DEGS1: variants seen among roughly 807,000 people sequenced by gnomAD.
The protein encoded by DEGS1 is sphingolipid delta(4)-desaturase DES1.
A neutral mutation model predicts 24.1 loss-of-function variants in DEGS1; 17 were observed. That is an observed-to-expected ratio of 0.70 (90% CI 0.48 to 1.06). The LOEUF (loss-of-function observed/expected upper bound fraction) is 1.06. DEGS1 is among the 50% of genes least tolerant of loss of function. The probability of loss-of-function intolerance (pLI) is 0.00; values close to 1 mark genes in which losing one functional copy is unlikely to be tolerated. For synonymous variants in DEGS1, 134 were observed against 140.0 expected (o/e 0.96, Z 0.30); for missense variants, 366 against 408.9 (o/e 0.90, Z 0.91).
At chr1:224,188,814 A>G (rs1458313048) in intron 1 of DEGS1, among the ~76,000 whole-genome samples, 1 of 152,192 alleles carries the variant, frequency 6.6e-6, no homozygotes, top group Non-Finnish European at 1.5e-5. Flanking sequence ...TGTGCAACAG[A>G]AAGTTTTTGA....
intron 1 of DEGS1, among the ~76,000 whole-genome samples, chr1:224,188,200 G>T (rs1658444147): frequency 6.6e-6 from 1 of 152,156 alleles, no homozygotes; most frequent in African/African-American, 2.4e-5. Context: ...TGAGGCTGTA[G>T]TGAGCTATGA....
In DEGS1 at chr1:224,183,401, G is replaced by A. The variant is rs1304754652; in HGVS notation, c.65G>A (p.Arg22Gln). 3.5e-6 allele frequency: 5 copies of A among 1,427,730 alleles called. No individual in the cohort carries two copies. The highest frequency in any genetic ancestry group is 1.5e-5 in the South Asian group (1 of 67,532). 88.4% of individuals were successfully genotyped at this position (1,427,730 alleles called of 1,614,324 possible). A position where few individuals can be genotyped will look rare whatever the true frequency, so the allele number is the denominator to read the frequency against. ...TACACCGACCAGCCGCACGCCGACC[G>A]GCGCCGGGAGATCCTGGGTGAGGGC... ...WVYTDQPHAD[R>Q]RREILAKYPE... The change falls in exon 1 of 3, where the codon CGG (arginine) becomes CAG (glutamine). Residue 22 changes from arginine to glutamine, a missense_variant. Arg to Gln is a conservative substitution (Grantham distance 43). Transcript: ENST00000323699.
At chr1:224,191,397 AAAAAAG>A (rs1310255504) in intron 2 of DEGS1, among the ~76,000 whole-genome samples, 1 of 150,516 alleles carries the variant, frequency 6.6e-6, no homozygotes, top group Non-Finnish European at 1.5e-5. Context: ...CTCAAAAAAA[AAAAAAG>A]AGAGAGATGG....
Position 224,192,324 on chromosome 1 carries a change from C to T in DEGS1, c.826-8C>T, listed in dbSNP as rs752762563. ...ATTTTTCATCTTGCTGTATTTTTTC[C>T]CTTCTAGGTGAGGAAAATAGCAGCT... On this transcript the variant is annotated splice_polypyrimidine_tract_variant and splice_region_variant and intron_variant, in intron 2 of 2. Transcript: ENST00000323699. 8.7e-6 allele frequency: 14 copies of T among 1,600,430 alleles called. No individual in the cohort carries two copies. Among genetic ancestry groups the T allele is most frequent in the Admixed American group, 1.8e-5 (1 of 55,732 alleles).
At chr1:224,189,436 T>C in intron 1 of DEGS1, 141 bp from the exon 2 acceptor site, 1 of 556,324 alleles carries the variant, frequency 1.8e-6, no homozygotes, top group Admixed American at 3.7e-5. Flanking sequence ...TGTTATTAAA[T>C]ATCCACTAAA....
At chr1:224,186,712 CAA>C (rs34809195) in intron 1 of DEGS1, among the ~76,000 whole-genome samples, 1,360 of 79,840 alleles carry the variant, frequency 0.017, 14 homozygotes, top group African/African-American at 0.059. Flanking sequence ...GCCTCCGTCT[CAA>C]AAAAAAAAAA....
chr1:224,187,940 C>T (rs938919587), intron 1 of DEGS1, among the ~76,000 whole-genome samples: 2 of 147,010 alleles, frequency 1.4e-5, no homozygotes, highest in Non-Finnish European at 1.5e-5. Context: ...TTGGCTTTTA[C>T]TTAGCATAAT....
At position 224,192,585 on chromosome 1, in the gene DEGS1, A is replaced by T; in HGVS notation, c.*107A>T. 1.9e-6 allele frequency: 2 copies of T among 1,080,776 alleles called. No homozygotes were observed. Among genetic ancestry groups the T allele is most frequent in the South Asian group, 3.0e-5 (2 of 67,730 alleles). The allele number at this position is 1,080,776 out of a possible 1,614,324, so 66.9% of individuals were successfully genotyped here. Reference sequence around the variant, plus strand: ...TGATGCTCAGAAGCTCCCCTGGCACAATTTCAGAGTAAGAGCTCGGTGATA... The same window carrying T: ...TGATGCTCAGAAGCTCCCCTGGCACTATTTCAGAGTAAGAGCTCGGTGATA... On this transcript the variant is annotated 3_prime_UTR_variant, in exon 3 of 3. Transcript: ENST00000323699.
chr1:224,190,964 C>T (rs1326453101), intron 2 of DEGS1: 1 of 152,176 alleles, frequency 6.6e-6, no homozygotes, highest in East Asian at 1.9e-4. Flanking sequence ...TCAAGTGATC[C>T]TCCTGCCTCA....
chr1:224,183,468 C>G, intron 1 of DEGS1, 50 bp downstream of exon 1: 1 of 1,255,216 alleles, frequency 8.0e-7, no homozygotes, highest in Non-Finnish European at 1.0e-6. Flanking sequence ...CTCCCGGCGC[C>G]GGGGCGCGCT....
intron 1 of DEGS1, chr1:224,183,644 C>T (rs1406532741): frequency 3.0e-6 from 1 of 334,926 alleles, no homozygotes; most frequent in Non-Finnish European, 5.3e-6. Flanking sequence ...CAGCTCCGAC[C>T]CTTCCGCGAA....
chr1:224,183,990 C>T (rs1658309206), intron 1 of DEGS1, among the ~76,000 whole-genome samples: 1 of 152,222 alleles, frequency 6.6e-6, no homozygotes, highest in Admixed American at 6.5e-5. Context: ...TTAAGGGGGC[C>T]GGCGTCCCTC....
chr1:224,190,386 C>G (rs1658507436), intron 2 of DEGS1, 67 bp downstream of exon 2: 1 of 1,386,648 alleles, frequency 7.2e-7, no homozygotes, highest in African/African-American at 1.5e-5. Context: ...GAGACGGTGT[C>G]TCACTCAGTC....
intron 1 of DEGS1, among the ~76,000 whole-genome samples, chr1:224,186,712 C>CAAAAAAAAAAAAAAAAAAAAAAAAAAAA (rs34809195): frequency 1.3e-5 from 1 of 79,874 alleles, no homozygotes. Flanking sequence ...GCCTCCGTCT[C>CAAAAAAAAAAAAAAAAAAAAAAAAAAAA]AAAAAAAAAA....
chr1:224,187,970 T>TA (rs57486031), intron 1 of DEGS1, among the ~76,000 whole-genome samples: 2 of 141,718 alleles, frequency 1.4e-5, no homozygotes, highest in African/African-American at 5.1e-5. Context: ...TTTTTTTTTT[T>TA]AATTTGTAGA....
chr1:224,187,127 G>T (rs549480857), intron 1 of DEGS1, among the ~76,000 whole-genome samples: 89 of 152,214 alleles, frequency 5.8e-4, no homozygotes, highest in African/African-American at 2.0e-3. Flanking sequence ...GGCCAACATG[G>T]TGAAACCCCG....
chr1:224,190,162 A>G lies in DEGS1; in HGVS notation c.668A>G (p.His223Arg), dbSNP rs1285279405. 7 of 1,593,856 alleles carry G rather than the reference A, an allele frequency of 4.4e-6. No homozygotes were observed. The highest frequency in any genetic ancestry group is 2.2e-5 in the East Asian group (1 of 44,754). ...LAASLLGLGLHPISGHFIAEH... is the reference protein window; with the variant it reads ...LAASLLGLGLRPISGHFIAEH... ...GCATCTTTACTTGGCCTGGGTTTGC[A>G]CCCAATTTCTGGACATTTTATAGCT... is the stretch of plus-strand genomic sequence containing the variant. The change falls in exon 2 of 3, where the codon CAC becomes CGC. Residue 223 changes from histidine to arginine, a missense_variant. His to Arg is a conservative substitution (Grantham distance 29, BLOSUM62 0). Transcript: ENST00000323699.
chr1:224,184,796 G>A (rs1226662297), intron 1 of DEGS1, among the ~76,000 whole-genome samples: 3 of 152,018 alleles, frequency 2.0e-5, no homozygotes, highest in Admixed American at 6.6e-5. Flanking sequence ...GATTACAGGC[G>A]TGAACCACCG....
chr1:224,191,389 CAA>C (rs111834890), intron 2 of DEGS1, among the ~76,000 whole-genome samples: 4 of 123,044 alleles, frequency 3.3e-5, no homozygotes, highest in African/African-American at 6.0e-5. Context: ...AACTCCGTCT[CAA>C]AAAAAAAAAA....
Sources: allele counts gnomAD v4.1 joint callset (sites outside exome capture counted in the v4.1 genomes callset), GRCh38; gene constraint gnomAD v4.1.1; transcripts MANE v1.5; gene names NCBI Gene and HGNC (gene_info 2026-07-23, HGNC 2026-07-21).